NLRP9: variants seen among roughly 807,000 people sequenced by gnomAD.
NLRP9 encodes the protein NLR family pyrin domain containing 9.
In NLRP9, 88 loss-of-function variants were observed where a neutral mutation model predicts 83.1. The ratio of observed to expected loss-of-function variants is 1.06; its 90% CI spans 0.89 to 1.26. The LOEUF (loss-of-function observed/expected upper bound fraction) is 1.26, where lower values mean the gene tolerates loss of function less well. Among genes scored for constraint, NLRP9 ranks in the 50% most tolerant of loss-of-function variants. NLRP9 has a pLI of 0.00. For missense variants in NLRP9, 1,308 were observed against 1,179.3 expected (o/e 1.11, Z -1.60); for synonymous variants, 521 against 447.6 (o/e 1.16, Z -2.07).
Position 55,716,851 on chromosome 19 carries a change from G to A in NLRP9, c.2207C>T (p.Ser736Phe). 6.2e-7 allele frequency: 1 copy of A among 1,613,880 alleles called. No individual in the cohort carries two copies. Among genetic ancestry groups the A allele is most frequent in the Non-Finnish European group, 8.5e-7 (1 of 1,179,946 alleles). The change falls in exon 5 of 9, where the codon TCC (serine) becomes TTC (phenylalanine). Residue 736 changes from serine to phenylalanine, a missense_variant. Ser to Phe is a radical substitution (Grantham distance 155). Transcript: ENST00000332836. The part of the protein sequence containing the change: ...ISSEVCEDIA[S>F]VLACNSKLKH... ...CAGCTTGCTGTTGCAGGCCAGGACG[G>A]AGGCGATGTCTTCACAAACTTCACT...
At chr19:55,731,899 C>T (rs143413062) in intron 2 of NLRP9, 100 bp downstream of exon 2, 1 of 732,518 alleles carries the variant, frequency 1.4e-6, no homozygotes, top group South Asian at 2.1e-5. Flanking sequence ...GACCTCCATG[C>T]TTTTAAGCAC....
In NLRP9 at chr19:55,733,318, C is replaced by T. The variant is rs1988660169; in HGVS notation, c.513G>A (p.Glu171=). The T allele has an allele frequency of 1.2e-6, 2 of 1,614,168 alleles. No homozygotes were observed. The highest frequency in any genetic ancestry group is 1.7e-6 in the Non-Finnish European group (2 of 1,179,998). Residue 171 remains glutamate, a synonymous_variant, in exon 2 of 9, where the codon GAG becomes GAA. Coordinates refer to ENST00000332836, the MANE Select transcript of NLRP9 (RefSeq NM_176820.4). ...TGAACCTGTCCTTCCATAAGTTTCC[C>T]TCTGCCCAGTCCAACATCACTTTTC... is the stretch of plus-strand genomic sequence containing the variant. The part of the protein sequence containing the change: ...LLRKVMLDWA[E]GNLWKDRFTF...
chr19:55,721,141 G>T (rs7246006), intron 4 of NLRP9, among the ~76,000 whole-genome samples: 19,500 of 152,116 alleles, frequency 0.13, 1,568 homozygotes, highest in African/African-American at 0.22. Flanking sequence ...TTTAAAAACA[G>T]CTTTGTACAT....
chr19:55,736,926 C>T (rs1292499774), intron 1 of NLRP9, among the ~76,000 whole-genome samples: 7 of 151,202 alleles, frequency 4.6e-5, no homozygotes, highest in South Asian at 2.1e-4. Context: ...TGTGGGGATA[C>T]GAAATAAGGT....
chr19:55,728,893 A>G (rs998534894), intron 3 of NLRP9, among the ~76,000 whole-genome samples: 2 of 152,160 alleles, frequency 1.3e-5, no homozygotes, highest in Non-Finnish European at 2.9e-5. Context: ...GATAAGTAAA[A>G]TATCAGGGAA....
rs1600144859 is a variant in NLRP9 at position 55,736,381 on chromosome 19, A to G, written c.280+1714T>C. 2.0e-5 allele frequency among the ~76,000 whole-genome samples: 3 copies of G among 152,224 alleles called. No homozygotes were observed. The East Asian group carries it at 5.8e-4, about 30-fold the overall frequency. On this transcript the variant is annotated intron_variant, in intron 1 of 8. Transcript: ENST00000332836. ...ACTCCAGCCTGGGCGACAGAGCGAG[A>G]CTCCGTCTCAAAAAAGAAAAAAGTC... is the stretch of plus-strand genomic sequence containing the variant.
rs558941334 is a variant in NLRP9 at position 55,722,622 on chromosome 19, C to A, written c.2159+1358G>T. ...AGTGGGCTGATTTTATTTATTGCTG[C>A]CTCAATGACTTCCTTTGTTCTCTTT... is the stretch of plus-strand genomic sequence containing the variant. On this transcript the variant is annotated intron_variant, in intron 4 of 8. Coordinates refer to ENST00000332836, the MANE Select transcript of NLRP9 (RefSeq NM_176820.4). Among the ~76,000 whole-genome samples the A allele has an allele frequency of 3.3e-5, 5 of 152,272 alleles. No individual in the cohort carries two copies. The South Asian group carries it at 1.0e-3, about 32-fold the overall frequency.
intron 3 of NLRP9, among the ~76,000 whole-genome samples, 158 bp downstream of exon 3, chr19:55,729,673 G>A (rs1163286425): frequency 6.6e-6 from 1 of 152,092 alleles, no homozygotes; most frequent in Non-Finnish European, 1.5e-5. Flanking sequence ...CTTTGCTATT[G>A]TGAATAGTGC....
intron 4 of NLRP9, among the ~76,000 whole-genome samples, chr19:55,720,616 C>T (rs755510061): frequency 1.3e-5 from 2 of 152,178 alleles, no homozygotes; most frequent in Non-Finnish European, 2.9e-5. Flanking sequence ...AGGCATGAGC[C>T]ACCAAGCCTG....
chr19:55,735,281 A>C (rs1988754710), intron 1 of NLRP9, among the ~76,000 whole-genome samples: 1 of 152,154 alleles, frequency 6.6e-6, no homozygotes, highest in Admixed American at 6.5e-5. Flanking sequence ...ATATTGTAAA[A>C]CTGTCTTGAA....
chr19:55,717,402 G>A (rs1988064327), intron 4 of NLRP9, among the ~76,000 whole-genome samples: 1 of 152,218 alleles, frequency 6.6e-6, no homozygotes, highest in African/African-American at 2.4e-5. Context: ...GGTTTGCACT[G>A]AAGTTAGGAA....
In NLRP9 at chr19:55,729,946, T is replaced by A. The variant is rs148458163; in HGVS notation, c.1879A>T (p.Ile627Phe). ...AAAATCTGGAAGTTCTTGTTGGTAA[T>A]GAACATTGAGCAAAGCTCCCGCCAG... is the stretch of plus-strand genomic sequence containing the variant. ...VYWRELCSMF[I>F]TNKNFQILDM... The change falls in exon 3 of 9, where the codon ATT (isoleucine) becomes TTT (phenylalanine). Residue 627 changes from isoleucine to phenylalanine, a missense_variant. Ile to Phe is a conservative substitution (Grantham distance 21, BLOSUM62 0). Transcript: ENST00000332836. 6.2e-7 allele frequency: 1 copy of A among 1,613,808 alleles called. No homozygotes were observed.
intron 1 of NLRP9, among the ~76,000 whole-genome samples, chr19:55,736,489 CA>C (rs1200146798): frequency 1.3e-5 from 2 of 152,168 alleles, no homozygotes; most frequent in African/African-American, 4.8e-5. Flanking sequence ...CTGACTCGGT[CA>C]TTTTTTCATC....
Position 55,723,987 on chromosome 19 carries a change from C to A in NLRP9, c.2152G>T (p.Glu718Ter). 1 of 1,612,788 alleles carries A rather than the reference C, an allele frequency of 6.2e-7. No homozygotes were observed. ...TGAACAGCCCGGACTTACATCAGCT[C>A]TTCTATCTTGCACATTGGATGTTTC... ...TLKHPMCKIEELILGKCDISS... is the reference protein window; with the variant it reads ...TLKHPMCKIE The change falls in exon 4 of 9, where the codon GAG becomes TAG. Residue 718 changes from glutamate (E) to a stop codon, truncating the protein, a stop_gained. Transcript: ENST00000332836. LOFTEE classifies it high-confidence loss of function.
intron 3 of NLRP9, among the ~76,000 whole-genome samples, chr19:55,729,050 C>CTTTTTTTTTTTTTTT (rs374589373): frequency 2.1e-4 from 15 of 70,250 alleles, no homozygotes; most frequent in Non-Finnish European, 3.2e-4. Flanking sequence ...TTTTCTTTTT[C>CTTTTTTTTTTTTTTT]TTTTTTTTTT....
chr19:55,730,014 G>T, intron 2 of NLRP9, 22 bp from the exon 3 acceptor site: 1 of 1,603,330 alleles, frequency 6.2e-7, no homozygotes, highest in East Asian at 2.2e-5. Context: ...CAAAGATTGT[G>T]ATTCTCCAGT....
rs1987964749 is a variant in NLRP9, at chr19:55,715,241, C to G, written c.2331-16G>C. ...GTACATCAACCTGCAAAGAAACACACCGTCTCCCAGCCTGCTGAACAGCAG... is the reference window on the plus strand; with the variant it reads ...GTACATCAACCTGCAAAGAAACACAGCGTCTCCCAGCCTGCTGAACAGCAG... On this transcript the variant is annotated splice_polypyrimidine_tract_variant and intron_variant, in intron 5 of 8. Coordinates refer to ENST00000332836, the MANE Select transcript of NLRP9 (RefSeq NM_176820.4). The G allele has an allele frequency of 1.2e-6, 2 of 1,609,216 alleles. No individual in the cohort carries two copies. The highest frequency in any genetic ancestry group is 1.7e-5 in the Admixed American group (1 of 59,608).
chr19:55,729,813 G>T lies in NLRP9; in HGVS notation c.1994+18C>A. 1 of 1,602,754 alleles carries T rather than the reference G, an allele frequency of 6.2e-7. No homozygotes were observed. Among genetic ancestry groups the T allele is most frequent in the Non-Finnish European group, 8.5e-7 (1 of 1,174,140 alleles). On this transcript the variant is annotated intron_variant, in intron 3 of 8. Transcript: ENST00000332836. ...AACTCTGCCATTTGCTTAAAGGACA[G>T]GTTAACATAAAACTTACATGAGTTT...
rs557306264 is a variant in NLRP9 at position 55,738,329 on chromosome 19, T to C, written c.46A>G (p.Lys16Glu). 8.4e-5 allele frequency: 136 copies of C among 1,613,910 alleles called. No individual in the cohort carries two copies. In the South Asian group the frequency reaches 1.5e-3, roughly 17 times the overall value. The change falls in exon 1 of 9, where the codon AAG (lysine) becomes GAG (glutamate). Residue 16 changes from lysine to glutamate, a missense_variant. Physicochemically the swap from Lys to Glu is moderately conservative, Grantham distance 56 (BLOSUM62 1). Transcript: ENST00000332836. ...CAAAACTCTTCCTTTCTGAGCTCCT[T>C]CAGATACCACAACAAGCCAAAATCC... ...FSDFGLLWYLKELRKEEFWKF... is the reference protein window; with the variant it reads ...FSDFGLLWYLEELRKEEFWKF...
Sources: allele counts gnomAD v4.1 joint callset (sites outside exome capture counted in the v4.1 genomes callset), GRCh38; gene constraint gnomAD v4.1.1; transcripts MANE v1.5; gene names NCBI Gene and HGNC (gene_info 2026-07-23, HGNC 2026-07-21).